The following MIB1 variants were observed in gnomAD, a reference collection of about 807,000 sequenced individuals.
MIB1 encodes the protein E3 ubiquitin-protein ligase MIB1.
MIB1 carries 278 observed loss-of-function variants against 124.5 expected under a neutral mutation model. The ratio of observed to expected loss-of-function variants is 2.23; its 90% CI spans 2.02 to 2.47. The LOEUF (loss-of-function observed/expected upper bound fraction) is 2.47. MIB1 is among the 30% of genes most tolerant of loss of function. MIB1 has a pLI of 0.00. For missense variants in MIB1, 957 were observed against 1,254.4 expected (o/e 0.76, Z 3.58); for synonymous variants, 446 against 429.4 (o/e 1.04, Z -0.48).
chr18:21,843,072 T>C, intron 13 of MIB1, 59 bp from the exon 14 acceptor site: 1 of 1,259,506 alleles, frequency 7.9e-7, no homozygotes, highest in Non-Finnish European at 1.1e-6. Context: ...TAGTTATAGT[T>C]TTCATGTTCT....
chr18:21,791,106 A>C (rs2041497148), intron 6 of MIB1, among the ~76,000 whole-genome samples: 1 of 151,864 alleles, frequency 6.6e-6, no homozygotes, highest in African/African-American at 2.4e-5. Context: ...TGGGAGGCTG[A>C]GGCAGGAGAA....
At chr18:21,786,487 C>T (rs2155982) in intron 6 of MIB1, among the ~76,000 whole-genome samples, 1,977 of 152,180 alleles carry the variant, frequency 0.013, 55 homozygotes, top group African/African-American at 0.045. Flanking sequence ...TTGCTTTTAT[C>T]TTTCTCTAGA....
intron 8 of MIB1, 103 bp downstream of exon 8, chr18:21,798,331 C>G: frequency 8.4e-7 from 1 of 1,183,756 alleles, no homozygotes; most frequent in Non-Finnish European, 1.2e-6. Context: ...ATGTGCTTGG[C>G]TTTGTCCCAG....
intron 20 of MIB1, 56 bp downstream of exon 20, chr18:21,858,702 G>A (rs936436841): frequency 2.0e-5 from 17 of 865,654 alleles, no homozygotes; most frequent in Middle Eastern, 2.2e-4. Flanking sequence ...ATATTTTCCC[G>A]TAAAACTACT....
intron 12 of MIB1, among the ~76,000 whole-genome samples, chr18:21,829,968 G>A (rs2041963398): frequency 6.6e-6 from 1 of 151,922 alleles, no homozygotes; most frequent in Non-Finnish European, 1.5e-5. Flanking sequence ...AATTATAGTT[G>A]GTAAGTAGCC....
At chr18:21,806,725 G>A (rs1174619727) in intron 10 of MIB1, among the ~76,000 whole-genome samples, 1 of 151,404 alleles carries the variant, frequency 6.6e-6, no homozygotes, top group African/African-American at 2.4e-5. Flanking sequence ...CCGGGTTCAC[G>A]CCATTCTCCC....
chr18:21,729,886 G>T (rs2040760218), intron 1 of MIB1, among the ~76,000 whole-genome samples: 1 of 152,192 alleles, frequency 6.6e-6, no homozygotes, highest in South Asian at 2.1e-4. Flanking sequence ...GAGATTAAGT[G>T]TCAACACATG....
intron 11 of MIB1, among the ~76,000 whole-genome samples, chr18:21,818,552 C>G (rs2041850874): frequency 6.6e-6 from 1 of 152,080 alleles, no homozygotes; most frequent in South Asian, 2.1e-4. Context: ...GCCTGTAATC[C>G]CAACACCTTG....
intron 1 of MIB1, among the ~76,000 whole-genome samples, chr18:21,757,884 A>C (rs1211519452): frequency 2.0e-5 from 3 of 152,302 alleles, no homozygotes; most frequent in Middle Eastern, 3.4e-3. Context: ...ATGGGGGAAC[A>C]TGATGCCCTA....
At chr18:21,825,723 A>AG (rs746815210) in intron 12 of MIB1, 3 of 532,106 alleles carry the variant, frequency 5.6e-6, no homozygotes, top group Admixed American at 2.0e-5. Flanking sequence ...AGCTGGTTGA[A>AG]GGGGACCAAA....
chr18:21,836,534 A>T (rs2146497891), intron 12 of MIB1, among the ~76,000 whole-genome samples: 1 of 152,206 alleles, frequency 6.6e-6, no homozygotes, highest in African/African-American at 2.4e-5. Context: ...TTATCCTGTA[A>T]TTTCTTAATT....
intron 20 of MIB1, 48 bp downstream of exon 20, chr18:21,858,694 AT>A: frequency 2.1e-6 from 2 of 935,052 alleles, no homozygotes; most frequent in Non-Finnish European, 3.5e-6. Context: ...GGCACTGAAT[AT>A]TTTCCCGTAA....
At chr18:21,851,797 G>T (rs540328952) in intron 17 of MIB1, among the ~76,000 whole-genome samples, 21 of 152,146 alleles carry the variant, frequency 1.4e-4, no homozygotes, top group Non-Finnish European at 1.9e-4. Context: ...ATATGCTTTG[G>T]TTTAGTAACT....
At chr18:21,840,665 A>ATATATATATT (rs2042080008) in intron 13 of MIB1, among the ~76,000 whole-genome samples, 1 of 3,138 alleles carries the variant, frequency 3.2e-4, no homozygotes, top group African/African-American at 4.3e-4. Context: ...ATATATATAT[A>ATATATATATT]TTTTTTTTTT....
chr18:21,751,481 T>C (rs920846894), intron 1 of MIB1, among the ~76,000 whole-genome samples: 1 of 151,958 alleles, frequency 6.6e-6, no homozygotes, highest in Non-Finnish European at 1.5e-5. Flanking sequence ...GGCTGGTCTC[T>C]GGAGCTCCTG....
At chr18:21,705,050 A>G (rs1047018145) in exon 1 of MIB1, 3 of 166,944 alleles carry the variant, frequency 1.8e-5, no homozygotes, top group African/African-American at 7.1e-5. Context: ...AAGGCCCCGC[A>G]CCTGCAGCCC....
chr18:21,862,401 G>A (rs2042284449), intron 20 of MIB1, among the ~76,000 whole-genome samples: 1 of 152,032 alleles, frequency 6.6e-6, no homozygotes, highest in Admixed American at 6.6e-5. Context: ...TTTTAATGAA[G>A]ACATTTCTTT....
chr18:21,778,310 T>TAG, intron 5 of MIB1, 141 bp downstream of exon 5: 1 of 533,588 alleles, frequency 1.9e-6, no homozygotes, highest in Non-Finnish European at 3.3e-6. Context: ...CCTTTGGTCT[T>TAG]AAAGTATTTT....
At chr18:21,767,063 G>GT (rs1369879739) in intron 2 of MIB1, among the ~76,000 whole-genome samples, 2 of 152,134 alleles carry the variant, frequency 1.3e-5, no homozygotes, top group African/African-American at 2.4e-5. Flanking sequence ...ATAATCTTCT[G>GT]TAAGTATGTA....
Sources: gnomAD v4.1 joint callset for allele counts (sites outside exome capture counted in the v4.1 genomes callset) on GRCh38, gnomAD v4.1.1 for gene constraint, MANE v1.5 for transcripts, NCBI Gene and HGNC (gene_info 2026-07-23, HGNC 2026-07-21) for gene names.